Variants in USH2A observed in about 807,000 individuals in gnomAD.
USH2A encodes the protein Usher syndrome 2A (autosomal recessive, mild).
A neutral mutation model predicts 538.9 loss-of-function variants in USH2A; 443 were observed. The observed-to-expected ratio is 0.82, with a 90% CI of 0.76 to 0.89. USH2A has a LOEUF of 0.89. Among genes scored for constraint, USH2A ranks in the 40% least tolerant of loss-of-function variants. USH2A has a pLI of 0.00. For missense variants in USH2A, 6,633 were observed against 6,324.8 expected (o/e 1.05, Z -1.65); for synonymous variants, 2,413 against 2,273.5 (o/e 1.06, Z -1.75).
intron 25 of USH2A, among the ~76,000 whole-genome samples, chr1:216,084,129 CAGG>C (rs1558250173): frequency 9.1e-4 from 138 of 152,120 alleles, no homozygotes; most frequent in African/African-American, 3.0e-3. Flanking sequence ...CTGCTCTGAT[CAGG>C]CAGAGACTCA....
chr1:216,124,607 G>T (rs2033211097), intron 21 of USH2A, among the ~76,000 whole-genome samples: 1 of 152,156 alleles, frequency 6.6e-6, no homozygotes, highest in South Asian at 2.1e-4. Flanking sequence ...AGAAATATAA[G>T]ATCAAGATAA....
intron 37 of USH2A, among the ~76,000 whole-genome samples, chr1:215,946,014 G>C (rs80022417): frequency 0.032 from 4,892 of 152,226 alleles, 122 homozygotes; most frequent in South Asian, 0.083. Context: ...GCCAAAAGAA[G>C]TCATATCAGA....
At chr1:215,877,675 T>C (rs1055208375) in intron 43 of USH2A, 83 bp downstream of exon 43, 1 of 1,591,904 alleles carries the variant, frequency 6.3e-7, no homozygotes, top group Admixed American at 1.7e-5. Context: ...GCTCACACAA[T>C]GAAGACACTG....
At chr1:216,293,528 T>C (rs2037048010) in intron 9 of USH2A, among the ~76,000 whole-genome samples, 1 of 152,232 alleles carries the variant, frequency 6.6e-6, no homozygotes, top group Non-Finnish European at 1.5e-5. Context: ...TCACCTTCAC[T>C]AAGTAGCTCT....
chr1:216,243,646 T>C (rs971705133), intron 13 of USH2A, among the ~76,000 whole-genome samples: 3 of 152,100 alleles, frequency 2.0e-5, no homozygotes, highest in Non-Finnish European at 4.4e-5. Flanking sequence ...AAATGGACAG[T>C]TGGAAGAAAA....
chr1:215,970,890 G>A, intron 35 of USH2A, 114 bp from the exon 36 acceptor site: 1 of 1,078,692 alleles, frequency 9.3e-7, no homozygotes, highest in Non-Finnish European at 1.4e-6. Flanking sequence ...TTAAATCACA[G>A]ACTCTGGTAT....
At chr1:215,768,846 G>C (rs1194964210) in intron 55 of USH2A, among the ~76,000 whole-genome samples, 1 of 152,136 alleles carries the variant, frequency 6.6e-6, no homozygotes, top group Non-Finnish European at 1.5e-5. Context: ...TAAGCCCTTT[G>C]AGAGTAGAAA....
At chr1:216,414,254 A>G (rs2039540520) in intron 3 of USH2A, among the ~76,000 whole-genome samples, 2 of 152,082 alleles carry the variant, frequency 1.3e-5, no homozygotes, top group Admixed American at 1.3e-4. Flanking sequence ...AATAGCCAAT[A>G]TATTAAACCC....
intron 69 of USH2A, among the ~76,000 whole-genome samples, chr1:215,636,249 T>C (rs887858486): frequency 3.3e-5 from 5 of 152,038 alleles, no homozygotes; most frequent in Admixed American, 1.3e-4. Flanking sequence ...AGGGAAAGAC[T>C]TAAAGGAAAA....
intron 40 of USH2A, among the ~76,000 whole-genome samples, chr1:215,894,330 C>G (rs748497265): frequency 2.0e-5 from 3 of 152,022 alleles, no homozygotes; most frequent in Non-Finnish European, 4.4e-5. Context: ...TTCTAAAATG[C>G]CCTAAACATA....
chr1:215,761,350 T>A (rs1660976112), intron 56 of USH2A, among the ~76,000 whole-genome samples: 1 of 152,180 alleles, frequency 6.6e-6, no homozygotes, highest in Admixed American at 6.5e-5. Context: ...CCCAACCTAG[T>A]TTCTCTGTAT....
At chr1:216,128,703 T>C (rs1317926393) in intron 21 of USH2A, among the ~76,000 whole-genome samples, 5 of 152,112 alleles carry the variant, frequency 3.3e-5, no homozygotes, top group African/African-American at 1.2e-4. Context: ...ATCAGGATAA[T>C]TGGGATATGC....
At chr1:216,211,812 C>A (rs183080553) in intron 15 of USH2A, among the ~76,000 whole-genome samples, 3 of 151,586 alleles carry the variant, frequency 2.0e-5, no homozygotes, top group Non-Finnish European at 4.4e-5. Flanking sequence ...TCACTTTGAT[C>A]GGTTGAACAC....
At chr1:216,058,233 A>G (rs1414908634) in intron 30 of USH2A, among the ~76,000 whole-genome samples, 2 of 132,324 alleles carry the variant, frequency 1.5e-5, no homozygotes, top group Non-Finnish European at 3.3e-5. Flanking sequence ...ATTACCAGTG[A>G]GAGAAAAACT....
chr1:216,233,080 A>G lies in USH2A; in HGVS notation c.2810-944T>C, dbSNP rs568386083. ...TCTTTTTCCAAAGTGCAGTTTGGAC[A>G]TTTCACTTCTCTATTTGAAACTAAC... On this transcript the variant is annotated intron_variant, in intron 13 of 71. Coordinates refer to ENST00000307340, the MANE Select transcript of USH2A (RefSeq NM_206933.4). Among the ~76,000 whole-genome samples the G allele has an allele frequency of 5.3e-5, 8 of 152,194 alleles. No homozygotes were observed. In the East Asian group the frequency reaches 1.5e-3, roughly 29 times the overall value.
chr1:215,771,898 A>C (rs1661302309), intron 55 of USH2A, among the ~76,000 whole-genome samples: 1 of 152,148 alleles, frequency 6.6e-6, no homozygotes, highest in Admixed American at 6.5e-5. Context: ...TAAATCCATA[A>C]TTTAGAAAAT....
chr1:215,895,267 C>T (rs1665304338), intron 40 of USH2A, among the ~76,000 whole-genome samples: 1 of 152,184 alleles, frequency 6.6e-6, no homozygotes. Flanking sequence ...GGCACCTACT[C>T]TATATCAGAC....
chr1:216,072,595 T>A (rs761126117), intron 29 of USH2A: 1 of 430,664 alleles, frequency 2.3e-6, no homozygotes, highest in Non-Finnish European at 4.3e-6. Context: ...TCCTTAGACA[T>A]GTTAGGTAGG....
At chr1:216,194,312 T>C (rs1483436073) in intron 19 of USH2A, 1 of 151,982 alleles carries the variant, frequency 6.6e-6, no homozygotes, top group African/African-American at 2.4e-5. Context: ...GAGTTACCAG[T>C]AGAAGGTAAT....
Sources: gnomAD v4.1 joint callset for allele counts (sites outside exome capture counted in the v4.1 genomes callset) on GRCh38, gnomAD v4.1.1 for gene constraint, MANE v1.5 for transcripts, NCBI Gene and HGNC (gene_info 2026-07-23, HGNC 2026-07-21) for gene names.